EML6: variants seen among roughly 807,000 people sequenced by gnomAD.
The protein encoded by EML6 is EMAP like 6.
A neutral mutation model predicts 240.1 loss-of-function variants in EML6; 154 were observed. That is an observed-to-expected ratio of 0.64 (90% CI 0.56 to 0.73). The LOEUF is 0.73. EML6 is among the 30% of genes least tolerant of loss of function. The pLI, the probability that EML6 is intolerant of heterozygous loss-of-function variation, is 0.00. For missense variants in EML6, 2,964 were observed against 2,474.6 expected (o/e 1.20, Z -4.20); for synonymous variants, 1,148 against 899.0 (o/e 1.28, Z -4.95).
At chr2:54,789,927 G>A (rs1669339140) in intron 2 of EML6, among the ~76,000 whole-genome samples, 1 of 152,168 alleles carries the variant, frequency 6.6e-6, no homozygotes, top group Admixed American at 6.5e-5. Flanking sequence ...TCTGGCTCTT[G>A]GACCCAAATG....
chr2:54,931,645 A>G (rs1433226104), intron 28 of EML6, among the ~76,000 whole-genome samples: 1 of 152,204 alleles, frequency 6.6e-6, no homozygotes, highest in Non-Finnish European at 1.5e-5. Flanking sequence ...ATATACCTGC[A>G]GATAATTCTG....
chr2:54,949,410 C>T (rs767885437), intron 29 of EML6, among the ~76,000 whole-genome samples: 8 of 152,296 alleles, frequency 5.3e-5, no homozygotes, highest in Admixed American at 3.3e-4. Context: ...ACAGGAGGGA[C>T]GCACCATTAC....
At chr2:54,894,389 G>T (rs542710500) in intron 19 of EML6, among the ~76,000 whole-genome samples, 1 of 152,204 alleles carries the variant, frequency 6.6e-6, no homozygotes, top group African/African-American at 2.4e-5. Flanking sequence ...TTTAATTATG[G>T]AAATTGTGTC....
At chr2:54,892,896 G>T (rs993683824) in intron 19 of EML6, among the ~76,000 whole-genome samples, 2 of 152,088 alleles carry the variant, frequency 1.3e-5, no homozygotes, top group African/African-American at 2.4e-5. Context: ...GCTCTTCCTG[G>T]CGCCCACTCA....
At chr2:54,878,095 A>T (rs1671603626) in intron 16 of EML6, among the ~76,000 whole-genome samples, 2 of 152,250 alleles carry the variant, frequency 1.3e-5, no homozygotes, top group African/African-American at 4.8e-5. Context: ...CAAAATAAGG[A>T]TAAATATGTA....
At chr2:54,829,545 T>C (rs1668760507) in intron 7 of EML6, 68 bp downstream of exon 7, 3 of 1,314,622 alleles carry the variant, frequency 2.3e-6, no homozygotes, top group East Asian at 2.6e-5. Context: ...TGTATTCATA[T>C]TTGTTTCTCT....
At chr2:54,881,213 T>G (rs1466034992) in intron 17 of EML6, 1 of 152,146 alleles carries the variant, frequency 6.6e-6, no homozygotes, top group East Asian at 1.9e-4. Context: ...AACAGTAGAT[T>G]TTACAGTAAA....
rs1278261448 is a variant in EML6 at position 54,725,100 on chromosome 2, G to A, written c.39G>A (p.Leu13=). 6.5e-7 allele frequency: 1 copy of A among 1,533,532 alleles called. No homozygotes were observed. 95.0% of individuals were successfully genotyped at this position (1,533,532 alleles called of 1,614,324 possible). ...DRTAPRCQLR[L]EWVYGYRGHQ... is the part of the protein sequence containing the mutation. ...CGGCGCCCCGCTGCCAGCTCCGGCT[G>A]GAGTGGGTGTACGGGTACCGGGGTC... The change falls in exon 2 of 42, where the codon CTG becomes CTA. Residue 13 remains leucine (L), a synonymous_variant. Transcript: ENST00000356458. This position sits in a 1 kb window ranked among gnomAD's most constrained non-coding sequence, Gnocchi z 4.3.
intron 28 of EML6, among the ~76,000 whole-genome samples, chr2:54,940,869 C>G (rs892749625): frequency 6.6e-6 from 1 of 152,196 alleles, no homozygotes; most frequent in South Asian, 2.1e-4. Flanking sequence ...TAACCCCAGG[C>G]AAAAGGAATC....
At chr2:54,893,111 A>C (rs1298986857) in intron 19 of EML6, among the ~76,000 whole-genome samples, 1 of 152,196 alleles carries the variant, frequency 6.6e-6, no homozygotes, top group Non-Finnish European at 1.5e-5. Context: ...AGAAAGGCTC[A>C]GCTTTAACAA....
intron 11 of EML6, among the ~76,000 whole-genome samples, chr2:54,857,534 G>A (rs1670450327): frequency 2.0e-5 from 3 of 152,210 alleles, no homozygotes; most frequent in Non-Finnish European, 2.9e-5. Flanking sequence ...TTCTACTGAA[G>A]GTCCACAGTT....
At chr2:54,810,865 A>G (rs779209306) in intron 2 of EML6, among the ~76,000 whole-genome samples, 1 of 152,122 alleles carries the variant, frequency 6.6e-6, no homozygotes, top group Non-Finnish European at 1.5e-5. Flanking sequence ...TGCTAACCTG[A>G]GCAGTCTCCT....
chr2:54,748,719 C>T (rs1364048802), intron 2 of EML6, among the ~76,000 whole-genome samples: 3 of 152,150 alleles, frequency 2.0e-5, no homozygotes, highest in Non-Finnish European at 2.9e-5. Context: ...GCCACACTCT[C>T]TGCTAATTTT....
chr2:54,906,739 A>G (rs1573115829), intron 24 of EML6, among the ~76,000 whole-genome samples: 3 of 152,302 alleles, frequency 2.0e-5, no homozygotes, highest in African/African-American at 7.2e-5. Flanking sequence ...ATCTAACTCC[A>G]CTAGCCATGA....
chr2:54,839,297 AT>A (rs1483727389), intron 7 of EML6, among the ~76,000 whole-genome samples: 2 of 152,234 alleles, frequency 1.3e-5, no homozygotes, highest in Non-Finnish European at 2.9e-5. Flanking sequence ...ATGGGATGTT[AT>A]TAGGAAACAT....
chr2:54,957,167 T>C (rs1282662422), intron 32 of EML6, among the ~76,000 whole-genome samples: 2 of 152,102 alleles, frequency 1.3e-5, no homozygotes, highest in East Asian at 3.9e-4. Flanking sequence ...ATAATTTGTC[T>C]AAAGTTGTTC....
In EML6 at chr2:54,916,689, G is replaced by A. The variant is rs548401319; in HGVS notation, c.3499-70G>A. 5.5e-6 allele frequency: 7 copies of A among 1,274,206 alleles called. No homozygotes were observed. In the East Asian group the frequency reaches 1.3e-4, roughly 23 times the overall value. The allele number at this position is 1,274,206 out of a possible 1,614,324, so 78.9% of individuals were successfully genotyped here. A position where few individuals can be genotyped will look rare whatever the true frequency, so the allele number is the denominator to read the frequency against. ...CAAAGTAATTTAGAATTACTCAGGT[G>A]CAAACTGTTTCTTTTAAATAAAACA... is the stretch of plus-strand genomic sequence containing the variant. On this transcript the variant is annotated intron_variant, in intron 25 of 41. Coordinates refer to ENST00000356458, the MANE Select transcript of EML6 (RefSeq NM_001039753.4).
At chr2:54,799,178 A>T (rs1003803256) in intron 2 of EML6, among the ~76,000 whole-genome samples, 1 of 152,158 alleles carries the variant, frequency 6.6e-6, no homozygotes, top group African/African-American at 2.4e-5. Flanking sequence ...CTCTTGCCTC[A>T]GCCTACCTAG....
chr2:54,797,793 C>G (rs1030341881), intron 2 of EML6, among the ~76,000 whole-genome samples: 1 of 152,122 alleles, frequency 6.6e-6, no homozygotes, highest in Non-Finnish European at 1.5e-5. Flanking sequence ...CACTTATCAG[C>G]CATGTAATCT....
Sources: allele counts gnomAD v4.1 joint callset (sites outside exome capture counted in the v4.1 genomes callset), GRCh38; gene constraint gnomAD v4.1.1; non-coding constraint Gnocchi (gnomAD v3.1); transcripts MANE v1.5; gene names NCBI Gene and HGNC (gene_info 2026-07-23, HGNC 2026-07-21).